AUTS2: variants seen among roughly 807,000 people sequenced by gnomAD.
AUTS2 encodes activator of transcription and developmental regulator AUTS2, also known as autism susceptibility gene 2 protein.
A neutral mutation model predicts 112.4 loss-of-function variants in AUTS2; 17 were observed. That is an observed-to-expected ratio of 0.15 (90% CI 0.10 to 0.23). AUTS2 has a LOEUF of 0.23. AUTS2 is among the 10% of genes least tolerant of loss of function. AUTS2 has a pLI of 1.00. For missense variants in AUTS2, 1,510 were observed against 1,701.6 expected (o/e 0.89, Z 1.98); for synonymous variants, 751 against 702.7 (o/e 1.07, Z -1.09).
chr7:70,786,958 C>T, intron 17 of AUTS2: 2 of 574,384 alleles, frequency 3.5e-6, no homozygotes, highest in South Asian at 4.0e-5. Flanking sequence ...GTCCCTTTTC[C>T]TTTTTAACTT....
chr7:70,434,574 T>C (rs1424432612), intron 4 of AUTS2, among the ~76,000 whole-genome samples: 6 of 152,220 alleles, frequency 3.9e-5, no homozygotes, highest in African/African-American at 1.4e-4. Context: ...TCTGCCTTCC[T>C]AAACCATGGC....
chr7:70,655,559 CAG>C (rs1329054508), intron 5 of AUTS2, among the ~76,000 whole-genome samples: 2 of 152,188 alleles, frequency 1.3e-5, no homozygotes, highest in African/African-American at 4.8e-5. Flanking sequence ...TGAGCATAAA[CAG>C]AGGGGATTCC....
chr7:70,304,868 G>T, intron 4 of AUTS2, among the ~76,000 whole-genome samples: 1 of 151,774 alleles, frequency 6.6e-6, no homozygotes. Context: ...AGAATTTATT[G>T]GTTTGCTGAT....
intron 1 of AUTS2, among the ~76,000 whole-genome samples, chr7:69,832,951 T>C (rs146225090): frequency 3.9e-5 from 6 of 152,332 alleles, no homozygotes; most frequent in African/African-American, 7.2e-5. Flanking sequence ...ATGTGTTGCT[T>C]GAGAGTGTCT....
At chr7:69,826,976 C>G (rs1292468207) in intron 1 of AUTS2, among the ~76,000 whole-genome samples, 1 of 152,086 alleles carries the variant, frequency 6.6e-6, no homozygotes, top group Non-Finnish European at 1.5e-5. Context: ...AGTCAACACC[C>G]ATTTCATGTC....
chr7:70,410,397 CTTTTATTTATTT>C (rs1173100296), intron 4 of AUTS2, among the ~76,000 whole-genome samples: 9 of 123,246 alleles, frequency 7.3e-5, no homozygotes, highest in African/African-American at 2.5e-4. Context: ...GAGGGTTTGT[CTTTTATTTATTT>C]ATTTATTTAT....
intron 1 of AUTS2, among the ~76,000 whole-genome samples, chr7:69,815,258 C>T (rs1056936173): frequency 6.6e-6 from 1 of 152,088 alleles, no homozygotes; most frequent in Non-Finnish European, 1.5e-5. Flanking sequence ...TGCACATAAT[C>T]GAACACTTCT....
At chr7:70,654,942 A>G (rs559565098) in intron 5 of AUTS2, among the ~76,000 whole-genome samples, 4 of 152,380 alleles carry the variant, frequency 2.6e-5, no homozygotes, top group African/African-American at 9.6e-5. Flanking sequence ...CAAAAGGCCA[A>G]GAAGTGCAAC....
chr7:70,386,733 A>T (rs1434629670), intron 4 of AUTS2, among the ~76,000 whole-genome samples: 1 of 152,076 alleles, frequency 6.6e-6, no homozygotes, highest in African/African-American at 2.4e-5. Context: ...TCTAACTTTT[A>T]CCTACATTAC....
At chr7:70,352,607 A>G (rs1459701179) in intron 4 of AUTS2, among the ~76,000 whole-genome samples, 3 of 152,212 alleles carry the variant, frequency 2.0e-5, no homozygotes, top group African/African-American at 7.2e-5. Flanking sequence ...ATCAGTGTTC[A>G]TCAAACACAT....
intron 5 of AUTS2, among the ~76,000 whole-genome samples, chr7:70,617,092 C>T (rs1563078713): frequency 6.6e-6 from 1 of 152,152 alleles, no homozygotes; most frequent in African/African-American, 2.4e-5. Flanking sequence ...AGCTGGGTGA[C>T]CACTGTGTTG....
At chr7:70,511,138 TG>T (rs1446705763) in intron 5 of AUTS2, among the ~76,000 whole-genome samples, 20 of 151,972 alleles carry the variant, frequency 1.3e-4, no homozygotes, top group Admixed American at 2.6e-4. Flanking sequence ...CGTGAACCAC[TG>T]CGCTCGGCCT....
intron 1 of AUTS2, among the ~76,000 whole-genome samples, chr7:69,618,409 A>G (rs1793489561): frequency 1.3e-5 from 2 of 152,106 alleles, no homozygotes; most frequent in South Asian, 2.1e-4. Flanking sequence ...TTCAGCAGGT[A>G]CCTTTGGTCT....
At chr7:69,827,111 C>A (rs1453613822) in intron 1 of AUTS2, among the ~76,000 whole-genome samples, 2 of 152,112 alleles carry the variant, frequency 1.3e-5, no homozygotes, top group African/African-American at 4.8e-5. Flanking sequence ...AGAACTAGCT[C>A]ATGGAGAGGT....
intron 1 of AUTS2, among the ~76,000 whole-genome samples, chr7:69,894,252 G>GTTTTTTTTTGTTT (rs1794644698): frequency 2.7e-5 from 1 of 36,740 alleles, no homozygotes; most frequent in African/African-American, 1.3e-4. Context: ...GCCTTAAAGC[G>GTTTTTTTTTGTTT]TTTTTTTTTT....
chr7:70,450,660 G>A (rs17489241), intron 5 of AUTS2, among the ~76,000 whole-genome samples: 3,044 of 152,314 alleles, frequency 0.02, 34 homozygotes, highest in Middle Eastern at 0.048. Flanking sequence ...GGTACCTTAT[G>A]TAGGTGAATG....
intron 4 of AUTS2, among the ~76,000 whole-genome samples, chr7:70,328,919 T>A (rs964900660): frequency 7.2e-5 from 11 of 152,214 alleles, no homozygotes; most frequent in Admixed American, 7.2e-4. Flanking sequence ...GTAAAACCCC[T>A]TACCCATTAA....
intron 4 of AUTS2, among the ~76,000 whole-genome samples, chr7:70,195,282 C>G (rs967204567): frequency 6.6e-6 from 1 of 152,114 alleles, no homozygotes; most frequent in African/African-American, 2.4e-5. Flanking sequence ...GATATGACAC[C>G]TACCCCTGGA....
At chr7:70,732,917 A>G (rs929063703) in intron 6 of AUTS2, among the ~76,000 whole-genome samples, 5 of 152,122 alleles carry the variant, frequency 3.3e-5, no homozygotes, top group African/African-American at 1.2e-4. Flanking sequence ...TGTGATCTCC[A>G]TTTTGTCCAC....
Sources: allele counts gnomAD v4.1 joint callset (sites outside exome capture counted in the v4.1 genomes callset), GRCh38; gene constraint gnomAD v4.1.1; transcripts MANE v1.5; gene names NCBI Gene and HGNC (gene_info 2026-07-23, HGNC 2026-07-21).